Variants in DLGAP2 observed in about 807,000 individuals in gnomAD.
The protein encoded by DLGAP2 is disks large-associated protein 2.
Under a neutral mutation model 100.3 loss-of-function variants are expected in DLGAP2, and 26 were observed. The ratio of observed to expected loss-of-function variants is 0.26; its 90% CI spans 0.19 to 0.36. The LOEUF is 0.36. Ranked by LOEUF, DLGAP2 falls within the 10% of genes least tolerant of loss-of-function variation. DLGAP2 has a pLI of 1.00. For synonymous variants in DLGAP2, 886 were observed against 630.1 expected, an observed-to-expected ratio of 1.41 and a Z score of -6.08; for missense variants, 1,858 against 1,453.2, an observed-to-expected ratio of 1.28 and a Z score of -4.53.
At chr8:1,518,293 T>G (rs1362124287) in intron 4 of DLGAP2, among the ~76,000 whole-genome samples, 3 of 152,196 alleles carry the variant, frequency 2.0e-5, no homozygotes, top group Non-Finnish European at 4.4e-5. Context: ...TTCATCCTCA[T>G]CTGCCAGGAC....
intron 6 of DLGAP2, among the ~76,000 whole-genome samples, chr8:1,568,666 C>G (rs1802520019): frequency 7.5e-6 from 1 of 134,012 alleles, no homozygotes. Context: ...CCACTGTCCA[C>G]TCAGCAGACA....
At chr8:1,063,645 C>T (rs1213157991) in intron 2 of DLGAP2, among the ~76,000 whole-genome samples, 3 of 151,204 alleles carry the variant, frequency 2.0e-5, no homozygotes, top group Non-Finnish European at 4.4e-5. Flanking sequence ...GCTTAGGCAT[C>T]TAGGTAATTG....
At chr8:1,596,843 T>G (rs753347053) in intron 6 of DLGAP2, among the ~76,000 whole-genome samples, 138 of 152,102 alleles carry the variant, frequency 9.1e-4, no homozygotes, top group Non-Finnish European at 4.1e-4. Context: ...TAGTTTCATT[T>G]GCTGTGCAGA....
intron 6 of DLGAP2, among the ~76,000 whole-genome samples, chr8:1,594,338 G>A (rs1041924425): frequency 6.6e-6 from 1 of 152,022 alleles, no homozygotes; most frequent in Admixed American, 6.6e-5. Flanking sequence ...TGCCCCCTAA[G>A]GTCAAGAGAA....
intron 3 of DLGAP2, among the ~76,000 whole-genome samples, chr8:1,426,701 A>G (rs1163904714): frequency 6.6e-6 from 1 of 152,238 alleles, no homozygotes; most frequent in African/African-American, 2.4e-5. Context: ...GATTAGACCA[A>G]CAATAGATTC....
chr8:805,049 G>A (rs1221556716), intron 1 of DLGAP2, among the ~76,000 whole-genome samples: 2 of 152,206 alleles, frequency 1.3e-5, no homozygotes, highest in Non-Finnish European at 2.9e-5. Context: ...GGGATTATAG[G>A]CGTGAGCTAC....
rs140711076 is a variant in DLGAP2, at chr8:830,342, A to G, written c.19-77570A>G. Among the ~76,000 whole-genome samples the G allele has an allele frequency of 3.9e-3, 588 of 152,282 alleles. 5 individuals are homozygous for G. Among genetic ancestry groups the G allele is most frequent in the Non-Finnish European group, 6.9e-3 (469 of 68,016 alleles). ...CCTTTTAGATATTTAAAAATGTACA[A>G]TTACATTATTAAACTATAGTCACTC... On this transcript the variant is annotated intron_variant, in intron 1 of 14. Transcript: ENST00000637795.
chr8:1,655,947 C>CCA (rs1798273618), intron 8 of DLGAP2, among the ~76,000 whole-genome samples: 1 of 152,202 alleles, frequency 6.6e-6, no homozygotes. Flanking sequence ...AGCTGCTGGC[C>CCA]GCACCTGACC....
chr8:1,176,268 A>T (rs1193454393), intron 2 of DLGAP2, among the ~76,000 whole-genome samples: 1 of 152,098 alleles, frequency 6.6e-6, no homozygotes, highest in Admixed American at 6.5e-5. Flanking sequence ...CCTCATTACC[A>T]CAAGAATAGC....
At chr8:803,267 G>C (rs1796206690) in intron 1 of DLGAP2, among the ~76,000 whole-genome samples, 1 of 152,148 alleles carries the variant, frequency 6.6e-6, no homozygotes, top group South Asian at 2.1e-4. Flanking sequence ...CCCCAGCCTG[G>C]AGCTCACGCC....
chr8:1,291,338 G>C lies in DLGAP2; in HGVS notation c.106+32455G>C, dbSNP rs144361910. ...AAGGGATGGGAAAAGTGTGAAAATG[G>C]AAACCAGAAGCAAGCAGGAGTAGCT... On this transcript the variant is annotated intron_variant, in intron 3 of 14. Coordinates refer to ENST00000637795, the MANE Select transcript of DLGAP2 (RefSeq NM_001346810.2). Among the ~76,000 whole-genome samples the C allele has an allele frequency of 6.6e-5, 10 of 152,254 alleles. No homozygotes were observed. The East Asian group carries it at 1.7e-3, about 27-fold the overall frequency.
intron 4 of DLGAP2, among the ~76,000 whole-genome samples, chr8:1,527,268 G>A (rs1346826668): frequency 1.3e-5 from 2 of 152,214 alleles, no homozygotes; most frequent in Non-Finnish European, 1.5e-5. Context: ...AGCCTTTGCT[G>A]CCCCATGCCT....
chr8:1,632,578 G>A (rs1192272443), intron 7 of DLGAP2, among the ~76,000 whole-genome samples: 1 of 152,166 alleles, frequency 6.6e-6, no homozygotes, highest in South Asian at 2.1e-4. Context: ...TACCTTGAAG[G>A]TTTGCCTTGC....
At chr8:1,574,124 G>A (rs1281853818) in intron 6 of DLGAP2, among the ~76,000 whole-genome samples, 1 of 152,128 alleles carries the variant, frequency 6.6e-6, no homozygotes, top group African/African-American at 2.4e-5. Flanking sequence ...AGTTCCCAAA[G>A]ACAGCATATT....
intron 2 of DLGAP2, among the ~76,000 whole-genome samples, chr8:1,132,344 G>T (rs1563208402): frequency 6.6e-6 from 1 of 152,164 alleles, no homozygotes; most frequent in Non-Finnish European, 1.5e-5. Flanking sequence ...ATTGCCTGGA[G>T]ATGGGTTAGT....
intron 14 of DLGAP2, 61 bp downstream of exon 14, chr8:1,697,360 C>G: frequency 2.6e-6 from 4 of 1,525,566 alleles, no homozygotes; most frequent in South Asian, 2.6e-5. Flanking sequence ...CACTAACGAC[C>G]TGCTGCAGAT....
intron 1 of DLGAP2, among the ~76,000 whole-genome samples, chr8:881,137 C>T (rs1266234585): frequency 6.6e-6 from 1 of 152,200 alleles, no homozygotes; most frequent in East Asian, 1.9e-4. Flanking sequence ...TTACTTATTG[C>T]AAAGTAGAAT....
At chr8:1,038,296 A>G (rs1802193468) in intron 2 of DLGAP2, among the ~76,000 whole-genome samples, 1 of 151,984 alleles carries the variant, frequency 6.6e-6, no homozygotes, top group Non-Finnish European at 1.5e-5. Flanking sequence ...TTTTCCTTCC[A>G]AGTGTCCTTG....
intron 5 of DLGAP2, among the ~76,000 whole-genome samples, chr8:1,552,579 G>C (rs1023730080): frequency 1.3e-5 from 2 of 152,216 alleles, no homozygotes; most frequent in African/African-American, 2.4e-5. Context: ...CTTTCTGGTG[G>C]AAAACTACAG....
Sources: gnomAD v4.1 joint callset for allele counts (sites outside exome capture counted in the v4.1 genomes callset) on GRCh38, gnomAD v4.1.1 for gene constraint, MANE v1.5 for transcripts, NCBI Gene and HGNC (gene_info 2026-07-23, HGNC 2026-07-21) for gene names.